The following GPT2 variants were observed in gnomAD, a reference collection of about 807,000 sequenced individuals.
GPT2 encodes glutamic--pyruvic transaminase 2, also known as alanine aminotransferase 2.
In GPT2, 30 loss-of-function variants were observed where a neutral mutation model predicts 56.9. The ratio of observed to expected loss-of-function variants is 0.53; its 90% confidence interval spans 0.39 to 0.72. The LOEUF (loss-of-function observed/expected upper bound fraction) is 0.72, where lower values mean the gene tolerates loss of function less well. Among genes scored for constraint, GPT2 ranks in the 30% least tolerant of loss-of-function variants. The probability of loss-of-function intolerance (pLI) is 0.00; values close to 1 mark genes in which losing one functional copy is unlikely to be tolerated. For synonymous variants in GPT2, 271 were observed against 283.1 expected (o/e 0.96, Z 0.43); for missense variants, 542 against 703.4 (o/e 0.77, Z 2.60).
At chr16:46,894,790 C>T (rs749855506) in intron 2 of GPT2, among the ~76,000 whole-genome samples, 4 of 152,136 alleles carry the variant, frequency 2.6e-5, no homozygotes, top group South Asian at 2.1e-4. Flanking sequence ...CTCAGCGTCC[C>T]GAGTAGCTGG....
chr16:46,911,778 A>G (rs1961051522), intron 6 of GPT2, among the ~76,000 whole-genome samples: 1 of 152,086 alleles, frequency 6.6e-6, no homozygotes. Flanking sequence ...CGGGCCCAGG[A>G]CCACACTTGG....
At chr16:46,889,806 C>T (rs1270448933) in intron 2 of GPT2, among the ~76,000 whole-genome samples, 1 of 152,172 alleles carries the variant, frequency 6.6e-6, no homozygotes, top group Non-Finnish European at 1.5e-5. Context: ...CCAAGTCTTC[C>T]TTCTGAAGCT....
At chr16:46,913,189 G>T (rs970728208) in intron 6 of GPT2, among the ~76,000 whole-genome samples, 4 of 152,218 alleles carry the variant, frequency 2.6e-5, no homozygotes. Context: ...CACGCTGTGT[G>T]TAACAGCAGT....
chr16:46,907,027 AGCCTT>A, intron 5 of GPT2, 52 bp downstream of exon 5: 1 of 1,608,214 alleles, frequency 6.2e-7, no homozygotes, highest in Non-Finnish European at 8.5e-7. Context: ...CATGAAGAGC[AGCCTT>A]GCCTGTTAGG....
chr16:46,916,376 C>T, intron 6 of GPT2: 1 of 376,566 alleles, frequency 2.7e-6, no homozygotes, highest in Non-Finnish European at 4.8e-6. Flanking sequence ...AATAAGAGAG[C>T]CAGGTGAGAA....
At chr16:46,902,496 C>T (rs566400065) in intron 4 of GPT2, among the ~76,000 whole-genome samples, 2 of 152,250 alleles carry the variant, frequency 1.3e-5, no homozygotes, top group East Asian at 3.9e-4. Flanking sequence ...CACCTACGCT[C>T]TGGGCAGCCT....
chr16:46,911,770 G>T (rs956171773), intron 6 of GPT2, among the ~76,000 whole-genome samples: 6 of 152,062 alleles, frequency 3.9e-5, no homozygotes, highest in African/African-American at 1.4e-4. Flanking sequence ...ACTGATGCCG[G>T]GCCCAGGACC....
At chr16:46,898,897 T>C (rs78692204) in intron 3 of GPT2, among the ~76,000 whole-genome samples, 1 of 145,208 alleles carries the variant, frequency 6.9e-6, no homozygotes, top group Non-Finnish European at 1.5e-5. Context: ...TACGTATATA[T>C]ATACACATAT....
chr16:46,893,536 T>A (rs556801415), intron 2 of GPT2, among the ~76,000 whole-genome samples: 1 of 152,344 alleles, frequency 6.6e-6, no homozygotes, highest in African/African-American at 2.4e-5. Flanking sequence ...TTTTGTTGAT[T>A]GTTTCCTTTG....
rs943297326 is a variant in GPT2 at position 46,916,650 on chromosome 16, C to T, written c.843C>T (p.Cys281=). ...NPTGQVQSRK[C]IEDVIHFAWE... ...TAGGCCAGGTACAAAGCAGAAAGTG[C>T]ATAGAAGATGTGATCCACTTTGCCT... The change falls in exon 7 of 12, where the codon TGC becomes TGT. Residue 281 remains cysteine, a synonymous_variant. Coordinates refer to ENST00000340124, the MANE Select transcript of GPT2 (RefSeq NM_133443.4). The T allele has an allele frequency of 1.9e-6, 3 of 1,613,598 alleles. No homozygotes were observed. Among genetic ancestry groups the T allele is most frequent in the African/African-American group, 2.7e-5 (2 of 74,930 alleles).
At chr16:46,921,884 C>T (rs373639505) in intron 8 of GPT2, among the ~76,000 whole-genome samples, 5 of 152,162 alleles carry the variant, frequency 3.3e-5, no homozygotes, top group Admixed American at 1.3e-4. Flanking sequence ...ATTAGCCAGG[C>T]GTGGTGGCAC....
intron 2 of GPT2, among the ~76,000 whole-genome samples, chr16:46,896,401 T>C (rs1289852515): frequency 6.6e-6 from 1 of 152,092 alleles, no homozygotes; most frequent in African/African-American, 2.4e-5. Context: ...CACACATTGC[T>C]CAGGCAGTGG....
At position 46,898,998 on chromosome 16, in the gene GPT2, CATATATATATATATATAT is replaced by C. The variant is rs61197632; in HGVS notation, c.333+1282_333+1299del. On this transcript the variant is annotated intron_variant, in intron 3 of 11. Coordinates refer to ENST00000340124, the MANE Select transcript of GPT2 (RefSeq NM_133443.4). ...CACATATATATATATATATAACACA[CATATATATATATATATAT>C]ATATATATATATATATATATTTTTT... Among the ~76,000 whole-genome samples the C allele has an allele frequency of 6.7e-3, 833 of 124,390 alleles. 19 individuals carry two copies. The highest frequency in any genetic ancestry group is 0.011 in the East Asian group (52 of 4,758). The allele number at this position is 124,390 out of a possible 152,430, so 81.6% of individuals were successfully genotyped here.
chr16:46,891,988 T>A (rs1960595799), intron 2 of GPT2, among the ~76,000 whole-genome samples: 2 of 152,092 alleles, frequency 1.3e-5, no homozygotes, highest in African/African-American at 4.8e-5. Context: ...TTAAAATTTT[T>A]TAGCTCCCAC....
At position 46,922,439 on chromosome 16, in the gene GPT2, GC is replaced by G. The variant is rs748692788; in HGVS notation, c.1212+24del. ...CGAGTGAGTCCACTGTGATGCGTCT[GC>G]ACCCCTGTGGCCGGGGTCACGAGAG... On this transcript the variant is annotated intron_variant, in intron 9 of 11. Transcript: ENST00000340124. 8.2e-6 allele frequency: 13 copies of G among 1,580,446 alleles called. No homozygotes were observed. The East Asian group carries it at 1.8e-4, about 22-fold the overall frequency.
At chr16:46,895,341 A>G (rs1960665727) in intron 2 of GPT2, among the ~76,000 whole-genome samples, 1 of 152,080 alleles carries the variant, frequency 6.6e-6, no homozygotes, top group Admixed American at 6.6e-5. Flanking sequence ...CTTGGGAAAC[A>G]TGATGAAATC....
intron 2 of GPT2, among the ~76,000 whole-genome samples, chr16:46,893,053 A>G (rs531652100): frequency 2.0e-5 from 3 of 152,324 alleles, no homozygotes; most frequent in South Asian, 2.1e-4. Context: ...TCTATTGTTT[A>G]GGGAACAATG....
At chr16:46,897,601 G>A (rs775297310) in intron 2 of GPT2, 47 bp from the exon 3 acceptor site, 2 of 1,570,124 alleles carry the variant, frequency 1.3e-6, no homozygotes, top group Non-Finnish European at 1.8e-6. Context: ...TGGAATCCAG[G>A]GTTTAAGAGT....
At chr16:46,914,469 AGAG>A (rs1385586201) in intron 6 of GPT2, among the ~76,000 whole-genome samples, 1 of 152,204 alleles carries the variant, frequency 6.6e-6, no homozygotes, top group Non-Finnish European at 1.5e-5. Context: ...CCCAGGAGGC[AGAG>A]GTTGCAGTGA....
Sources: gnomAD v4.1 joint callset for allele counts (sites outside exome capture counted in the v4.1 genomes callset) on GRCh38, gnomAD v4.1.1 for gene constraint, MANE v1.5 for transcripts, NCBI Gene and HGNC (gene_info 2026-07-23, HGNC 2026-07-21) for gene names.